NKAIN2: variants seen among roughly 807,000 people sequenced by gnomAD.
The protein encoded by NKAIN2 is sodium/potassium-transporting ATPase subunit beta-1-interacting protein 2.
A neutral mutation model predicts 32.6 loss-of-function variants in NKAIN2; 14 were observed. That is an observed-to-expected ratio of 0.43 (90% CI 0.28 to 0.67). The LOEUF (loss-of-function observed/expected upper bound fraction) is 0.67. Among genes scored for constraint, NKAIN2 ranks in the 30% least tolerant of loss-of-function variants. The pLI is 0.17. For synonymous variants in NKAIN2, 80 were observed against 87.2 expected, an observed-to-expected ratio of 0.92 and a Z score of 0.46; for missense variants, 198 against 258.3, an observed-to-expected ratio of 0.77 and a Z score of 1.60.
intron 1 of NKAIN2, among the ~76,000 whole-genome samples, chr6:124,180,670 C>T (rs548877374): frequency 1.3e-5 from 2 of 152,178 alleles, no homozygotes; most frequent in African/African-American, 2.4e-5. Context: ...TCCAAAGTCT[C>T]ATCTGAGACA....
intron 1 of NKAIN2, among the ~76,000 whole-genome samples, chr6:124,007,056 C>G (rs1780108212): frequency 6.6e-6 from 1 of 152,126 alleles, no homozygotes; most frequent in Admixed American, 6.5e-5. Context: ...ACAAAAACCT[C>G]AATGGAATTG....
At chr6:124,759,488 T>A (rs1292068601) in intron 4 of NKAIN2, among the ~76,000 whole-genome samples, 1 of 151,910 alleles carries the variant, frequency 6.6e-6, no homozygotes, top group Non-Finnish European at 1.5e-5. Flanking sequence ...CATCCTTCTC[T>A]CAGAAACCCT....
intron 4 of NKAIN2, among the ~76,000 whole-genome samples, chr6:124,723,310 C>T (rs1426534593): frequency 3.3e-5 from 5 of 152,178 alleles, no homozygotes; most frequent in African/African-American, 4.8e-5. Flanking sequence ...CGGTGCTGAA[C>T]GTTACCATTA....
At chr6:124,011,379 C>T (rs1293166212) in intron 1 of NKAIN2, among the ~76,000 whole-genome samples, 9 of 151,920 alleles carry the variant, frequency 5.9e-5, no homozygotes, top group Non-Finnish European at 1.2e-4. Flanking sequence ...GTGCATATTC[C>T]CAAGTCAGCA....
intron 3 of NKAIN2, among the ~76,000 whole-genome samples, chr6:124,563,147 G>GC (rs11369987): frequency 0.048 from 7,338 of 151,826 alleles, 578 homozygotes; most frequent in African/African-American, 0.17. Context: ...CTTGTAATCT[G>GC]CCCCCCTTGG....
In NKAIN2 at chr6:123,868,340, T is replaced by TA. The variant is rs562602619; in HGVS notation, c.54+64088dup. On this transcript the variant is annotated intron_variant, in intron 1 of 6. Transcript: ENST00000368417. ...TTTGAAGTAAAATGACCAAATAAAT[T>TA]AATGAAAGGCTGGGACATATGTATG... 1.4e-4 allele frequency among the ~76,000 whole-genome samples: 22 copies of TA among 152,320 alleles called. No homozygotes were observed. The South Asian group carries it at 4.4e-3, about 30-fold the overall frequency.
chr6:124,804,760 G>A (rs375851119), intron 5 of NKAIN2, among the ~76,000 whole-genome samples: 75 of 152,258 alleles, frequency 4.9e-4, no homozygotes, highest in Middle Eastern at 3.4e-3. Context: ...GGTGACAGAC[G>A]GCACCTGGAA....
At position 124,672,007 on chromosome 6, in the gene NKAIN2, T is replaced by C. The variant is rs1295604063; in HGVS notation, c.474+13621T>C. 2.0e-5 allele frequency among the ~76,000 whole-genome samples: 3 copies of C among 152,026 alleles called. No homozygotes were observed. In the South Asian group the frequency reaches 6.2e-4, roughly 32 times the overall value. Reference sequence around the variant, plus strand: ...AATGTTTTTCCTGTCAATGAGCCCATTTTAAAAAACAAAAAAGAGAGAAGA... The same window carrying C: ...AATGTTTTTCCTGTCAATGAGCCCACTTTAAAAAACAAAAAAGAGAGAAGA... On this transcript the variant is annotated intron_variant, in intron 4 of 6. Coordinates refer to ENST00000368417, the MANE Select transcript of NKAIN2 (RefSeq NM_001040214.3).
chr6:124,355,625 C>A (rs1798936584), intron 3 of NKAIN2, among the ~76,000 whole-genome samples: 1 of 151,980 alleles, frequency 6.6e-6, no homozygotes, highest in South Asian at 2.1e-4. Context: ...ATTTCTGAAG[C>A]AAAATGTGAA....
At chr6:123,984,924 A>G (rs1311984790) in intron 1 of NKAIN2, among the ~76,000 whole-genome samples, 1 of 152,232 alleles carries the variant, frequency 6.6e-6, no homozygotes, top group East Asian at 1.9e-4. Flanking sequence ...TTAAAATAAC[A>G]CTTCAGATGG....
intron 1 of NKAIN2, among the ~76,000 whole-genome samples, chr6:124,152,245 G>C (rs765045680): frequency 2.0e-5 from 3 of 151,806 alleles, no homozygotes; most frequent in Non-Finnish European, 2.9e-5. Context: ...CACATTTGTC[G>C]TAATCACAGT....
chr6:124,609,365 T>C (rs1241783140), intron 3 of NKAIN2, among the ~76,000 whole-genome samples: 1 of 152,190 alleles, frequency 6.6e-6, no homozygotes, highest in African/African-American at 2.4e-5. Flanking sequence ...TATTTTTTCA[T>C]CACTCACCCT....
rs1464872912 is a variant in NKAIN2, at chr6:124,104,862, GAC to G, written c.55-178139_55-178138del. 1.6e-4 allele frequency among the ~76,000 whole-genome samples: 24 copies of G among 152,148 alleles called. 1 individual carries two copies. Among genetic ancestry groups the G allele is most frequent in the Admixed American group, 1.3e-4 (2 of 15,274 alleles). On this transcript the variant is annotated intron_variant, in intron 1 of 6. Coordinates refer to ENST00000368417, the MANE Select transcript of NKAIN2 (RefSeq NM_001040214.3). Reference sequence around the variant, plus strand: ...GGATATCCCACTGGTCCAATGCTATGACACAGGTAGCTAGTGTGTAGGTTTAG... The same window carrying G: ...GGATATCCCACTGGTCCAATGCTATGACAGGTAGCTAGTGTGTAGGTTTAG...
intron 1 of NKAIN2, among the ~76,000 whole-genome samples, chr6:123,899,119 G>T (rs2114405891): frequency 6.6e-6 from 1 of 152,308 alleles, no homozygotes; most frequent in African/African-American, 2.4e-5. Context: ...CTGTATGATA[G>T]GTATTGATCT....
intron 4 of NKAIN2, among the ~76,000 whole-genome samples, chr6:124,667,804 GA>G (rs1583612787): frequency 6.6e-6 from 1 of 151,940 alleles, no homozygotes; most frequent in East Asian, 1.9e-4. Flanking sequence ...ATACTTGAGG[GA>G]AAAAGAATTT....
intron 4 of NKAIN2, among the ~76,000 whole-genome samples, chr6:124,781,796 G>T (rs1779278439): frequency 6.6e-6 from 1 of 152,062 alleles, no homozygotes; most frequent in Admixed American, 6.6e-5. Flanking sequence ...AAGTTATTCA[G>T]TCCAACTAGA....
intron 1 of NKAIN2, among the ~76,000 whole-genome samples, chr6:123,852,904 C>A (rs1775409486): frequency 6.6e-6 from 1 of 152,118 alleles, no homozygotes; most frequent in Non-Finnish European, 1.5e-5. Context: ...TCTTTGGAAT[C>A]AAGAGAATAA....
At chr6:124,069,748 G>C (rs1783352282) in intron 1 of NKAIN2, among the ~76,000 whole-genome samples, 1 of 152,170 alleles carries the variant, frequency 6.6e-6, no homozygotes, top group African/African-American at 2.4e-5. Context: ...AGTCCTGCTA[G>C]CAGGTGCCAC....
At chr6:124,443,826 C>A (rs148427463) in intron 3 of NKAIN2, among the ~76,000 whole-genome samples, 1,541 of 152,138 alleles carry the variant, frequency 0.01, 31 homozygotes, top group African/African-American at 0.035. Context: ...CTTACAAGAT[C>A]TTTGCAGACA....
Sources: gnomAD v4.1 joint callset for allele counts (sites outside exome capture counted in the v4.1 genomes callset) on GRCh38, gnomAD v4.1.1 for gene constraint, MANE v1.5 for transcripts, NCBI Gene and HGNC (gene_info 2026-07-23, HGNC 2026-07-21) for gene names.